The following RBM33 variants were observed in gnomAD, a reference collection of about 807,000 sequenced individuals.
RBM33 encodes RNA-binding protein 33.
Under a neutral mutation model 132.6 loss-of-function variants are expected in RBM33, and 28 were observed. The observed-to-expected ratio is 0.21, with a 90% confidence interval of 0.16 to 0.29. The LOEUF (loss-of-function observed/expected upper bound fraction) is 0.29, where lower values mean the gene tolerates loss of function less well. Ranked by LOEUF, RBM33 falls within the 10% of genes least tolerant of loss-of-function variation. RBM33 has a pLI of 1.00. For synonymous variants in RBM33, 634 were observed against 593.0 expected (o/e 1.07, Z -1.01); for missense variants, 1,291 against 1,518.5 (o/e 0.85, Z 2.49).
intron 1 of RBM33, among the ~76,000 whole-genome samples, chr7:155,651,720 T>C (rs1798361490): frequency 6.6e-6 from 1 of 152,146 alleles, no homozygotes; most frequent in Non-Finnish European, 1.5e-5. Context: ...CCCAAGTTTA[T>C]AGAGCAAGCC....
At chr7:155,696,525 A>G (rs1344406246) in intron 5 of RBM33, among the ~76,000 whole-genome samples, 1 of 152,178 alleles carries the variant, frequency 6.6e-6, no homozygotes, top group African/African-American at 2.4e-5. Context: ...ATCATTAAGT[A>G]TGCTAGCTGT....
At chr7:155,647,452 A>T (rs1376138747) in intron 1 of RBM33, among the ~76,000 whole-genome samples, 2 of 151,738 alleles carry the variant, frequency 1.3e-5, no homozygotes, top group African/African-American at 4.8e-5. Flanking sequence ...TTTTTTTGAG[A>T]CAGGGTCTTG....
chr7:155,764,402 C>CA (rs1206687479), intron 15 of RBM33, among the ~76,000 whole-genome samples: 4 of 152,182 alleles, frequency 2.6e-5, no homozygotes, highest in African/African-American at 9.7e-5. Flanking sequence ...AGTGCATGCT[C>CA]ATGGCCCCAG....
At chr7:155,645,417 G>T (rs1393787790) in intron 1 of RBM33, among the ~76,000 whole-genome samples, 1 of 152,244 alleles carries the variant, frequency 6.6e-6, no homozygotes, top group Non-Finnish European at 1.5e-5. Context: ...CAGTAGGCCA[G>T]TTTGGAAAGT....
chr7:155,750,496 GTA>G (rs1454152865), intron 14 of RBM33, among the ~76,000 whole-genome samples: 1 of 152,192 alleles, frequency 6.6e-6, no homozygotes, highest in Non-Finnish European at 1.5e-5. Flanking sequence ...AGGGAGAATG[GTA>G]TAGTCTTTGA....
intron 5 of RBM33, among the ~76,000 whole-genome samples, chr7:155,687,808 G>A (rs12540750): frequency 0.64 from 96,449 of 151,558 alleles, 31,743 homozygotes; most frequent in South Asian, 0.77. Context: ...ATTAATTTGA[G>A]GGCTCTGTTC....
chr7:155,734,234 G>C (rs923122715), intron 9 of RBM33, among the ~76,000 whole-genome samples: 10 of 152,244 alleles, frequency 6.6e-5, no homozygotes, highest in East Asian at 1.9e-4. Flanking sequence ...TCCTCCTCCT[G>C]AGTGCGTGCT....
chr7:155,711,587 C>A (rs1400423931), intron 8 of RBM33, 132 bp downstream of exon 8: 1 of 540,898 alleles, frequency 1.8e-6, no homozygotes, highest in Non-Finnish European at 3.0e-6. Context: ...AAGAAATCAT[C>A]GTTCGAATGT....
At chr7:155,755,322 CCT>C (rs1178496476) in intron 14 of RBM33, among the ~76,000 whole-genome samples, 1 of 152,170 alleles carries the variant, frequency 6.6e-6, no homozygotes, top group Non-Finnish European at 1.5e-5. Context: ...TGTTATCTGT[CCT>C]CTCAGTATGG....
rs1413177129 is a variant in RBM33 at position 155,645,558 on chromosome 7, A to C, written c.43+639A>C. On this transcript the variant is annotated intron_variant, in intron 1 of 17. Transcript: ENST00000401878. Reference sequence around the variant, plus strand: ...ACACAAAAGGTTTAGATACTGAGTCAGTTCCTTTGGATAGTTTTTCTTGTT... The same window carrying C: ...ACACAAAAGGTTTAGATACTGAGTCCGTTCCTTTGGATAGTTTTTCTTGTT... Among the ~76,000 whole-genome samples the C allele has an allele frequency of 4.6e-5, 7 of 152,248 alleles. No individual in the cohort carries two copies. In the East Asian group the frequency reaches 1.3e-3, roughly 29 times the overall value.
intron 1 of RBM33, among the ~76,000 whole-genome samples, chr7:155,659,008 A>C (rs748694299): frequency 5.9e-5 from 9 of 152,230 alleles, no homozygotes; most frequent in Non-Finnish European, 1.2e-4. Flanking sequence ...GGGAGATAAC[A>C]GTAGACAGAC....
intron 5 of RBM33, among the ~76,000 whole-genome samples, chr7:155,692,051 C>CAAA (rs1363312755): frequency 1.4e-4 from 15 of 108,592 alleles, no homozygotes; most frequent in African/African-American, 4.7e-4. Flanking sequence ...ACCCTCTGTC[C>CAAA]AAAAAAAAAA....
intron 2 of RBM33, among the ~76,000 whole-genome samples, chr7:155,668,950 G>A (rs950913585): frequency 1.3e-5 from 2 of 152,164 alleles, no homozygotes; most frequent in African/African-American, 2.4e-5. Flanking sequence ...CTGCTATGAT[G>A]GAACTTGTTT....
chr7:155,721,265 G>A (rs1302222576), intron 9 of RBM33, among the ~76,000 whole-genome samples: 1 of 152,136 alleles, frequency 6.6e-6, no homozygotes. Context: ...GTGCTCGGTG[G>A]TGCACTTAGC....
rs994167724 is a variant in RBM33 at position 155,711,190 on chromosome 7, A to G, written c.949-13A>G. 3 of 1,506,190 alleles carry G rather than the reference A, an allele frequency of 2.0e-6. No individual in the cohort carries two copies. Among genetic ancestry groups the G allele is most frequent in the Non-Finnish European group, 2.7e-6 (3 of 1,126,452 alleles). 93.3% of individuals were successfully genotyped at this position (1,506,190 alleles called of 1,614,324 possible). On this transcript the variant is annotated splice_polypyrimidine_tract_variant and intron_variant, in intron 7 of 17. Transcript: ENST00000401878. Reference sequence around the variant, plus strand: ...ATTTGTAGACTCATTCTCCAAGGTTAATTCCTCCACAGCCCCAGGCTCCCC... The same window carrying G: ...ATTTGTAGACTCATTCTCCAAGGTTGATTCCTCCACAGCCCCAGGCTCCCC...
chr7:155,665,316 T>C, intron 2 of RBM33, 63 bp downstream of exon 2: 1 of 1,441,036 alleles, frequency 6.9e-7, no homozygotes, highest in Admixed American at 1.7e-5. Context: ...GACACTTGGC[T>C]CCTGAGGGAT....
Position 155,706,940 on chromosome 7 carries a change from A to G in RBM33, c.820A>G (p.Arg274Gly). Residue 274 changes from arginine (R) to glycine (G), a missense_variant, in exon 7 of 18, where the codon AGG becomes GGG. Arg to Gly is a moderately radical substitution (Grantham distance 125, BLOSUM62 -2). Around this residue, in one of 7 missense-constraint regions of RBM33, gnomAD observed 34 missense variants for 46.5 expected, o/e 0.73. Coordinates refer to ENST00000401878, the MANE Select transcript of RBM33 (RefSeq NM_053043.3). ...GCATAAACAAGGACGCTACAGCTCC[A>G]GGCGGGGAGGACGGCGAGGAGGTCC... is the stretch of plus-strand genomic sequence containing the variant. The part of the protein sequence containing the change: ...RQHKQGRYSS[R>G]RGGRRGGPLM... 6.2e-7 allele frequency: 1 copy of G among 1,605,734 alleles called. No individual in the cohort carries two copies. The highest frequency in any genetic ancestry group is 1.1e-5 in the South Asian group (1 of 88,922).
chr7:155,706,024 C>A (rs1430388165), intron 6 of RBM33, among the ~76,000 whole-genome samples: 2 of 152,172 alleles, frequency 1.3e-5, no homozygotes, highest in Non-Finnish European at 2.9e-5. Context: ...ATCACCTTGA[C>A]TTCGGAATGA....
At chr7:155,665,097 G>A in intron 1 of RBM33, 78 bp from the exon 2 acceptor site, 1 of 1,197,338 alleles carries the variant, frequency 8.4e-7, no homozygotes, top group South Asian at 1.3e-5. Context: ...CCTTAAAAAA[G>A]TTGTTTTAGT....
Sources: gnomAD v4.1 joint callset for allele counts (sites outside exome capture counted in the v4.1 genomes callset) on GRCh38, gnomAD v4.1.1 for gene constraint, gnomAD v4.1.1 regional missense constraint, MANE v1.5 for transcripts, NCBI Gene and HGNC (gene_info 2026-07-23, HGNC 2026-07-21) for gene names.